MBNL1: variants seen among roughly 807,000 people sequenced by gnomAD.
The protein encoded by MBNL1 is muscleblind like splicing regulator 1.
MBNL1 carries 8 observed loss-of-function variants against 42.2 expected under a neutral mutation model. That is an observed-to-expected ratio of 0.19 (90% CI 0.11 to 0.34). The LOEUF is 0.34. Ranked by LOEUF, MBNL1 falls within the 10% of genes least tolerant of loss-of-function variation. MBNL1 has a pLI of 1.00. For synonymous variants in MBNL1, 169 were observed against 173.9 expected, an observed-to-expected ratio of 0.97 and a Z score of 0.22; for missense variants, 309 against 495.3, an observed-to-expected ratio of 0.62 and a Z score of 3.57.
At chr3:152,451,492 TTATC>T (rs1395411246) in intron 6 of MBNL1, among the ~76,000 whole-genome samples, 2 of 152,128 alleles carry the variant, frequency 1.3e-5, no homozygotes, top group African/African-American at 4.8e-5. Flanking sequence ...ATCCCCCCAT[TTATC>T]TATCCACCCA....
At chr3:152,443,507 C>CACACACACACACACA in intron 4 of MBNL1, among the ~76,000 whole-genome samples, 1 of 151,852 alleles carries the variant, frequency 6.6e-6, no homozygotes, top group South Asian at 2.1e-4. Context: ...CACACACACA[C>CACACACACACACACA]AACTTTTTAT....
chr3:152,446,613 C>A, intron 5 of MBNL1: 1 of 899,370 alleles, frequency 1.1e-6, no homozygotes, highest in Non-Finnish European at 1.8e-6. Flanking sequence ...GCACTGCTGC[C>A]CCCATGATGC....
chr3:152,325,821 CTTTT>C (rs1276269403), intron 2 of MBNL1, among the ~76,000 whole-genome samples: 1 of 130,264 alleles, frequency 7.7e-6, no homozygotes, highest in Non-Finnish European at 1.6e-5. Flanking sequence ...TGATTTCTGT[CTTTT>C]TTGTTTGTTA....
intron 2 of MBNL1, among the ~76,000 whole-genome samples, chr3:152,336,513 T>G (rs1038172196): frequency 6.6e-6 from 1 of 152,230 alleles, no homozygotes; most frequent in Non-Finnish European, 1.5e-5. Context: ...AAATCTAACC[T>G]TAGGCACTGT....
chr3:152,421,836 A>C (rs538540106), intron 3 of MBNL1, among the ~76,000 whole-genome samples: 1 of 152,344 alleles, frequency 6.6e-6, no homozygotes, highest in African/African-American at 2.4e-5. Flanking sequence ...ACTACGTTTC[A>C]TAAGTGAAAG....
At chr3:152,430,497 A>C (rs1237154175) in intron 3 of MBNL1, among the ~76,000 whole-genome samples, 2 of 152,228 alleles carry the variant, frequency 1.3e-5, no homozygotes, top group African/African-American at 4.8e-5. Context: ...TTAGTCTTCT[A>C]TGCTAAATTT....
intron 2 of MBNL1, among the ~76,000 whole-genome samples, chr3:152,381,777 A>C (rs1281033036): frequency 6.6e-6 from 1 of 151,984 alleles, no homozygotes; most frequent in Non-Finnish European, 1.5e-5. Context: ...TTAGCTTTGT[A>C]ACTTAGAGTG....
chr3:152,393,387 A>T (rs1347144431), intron 2 of MBNL1, among the ~76,000 whole-genome samples: 1 of 152,232 alleles, frequency 6.6e-6, no homozygotes, highest in Admixed American at 6.5e-5. Context: ...TTTAATGGGC[A>T]TGATAATTTT....
chr3:152,337,783 T>C (rs1033650679), intron 2 of MBNL1, among the ~76,000 whole-genome samples: 1 of 152,206 alleles, frequency 6.6e-6, no homozygotes, highest in Non-Finnish European at 1.5e-5. Flanking sequence ...TCTTATCTCA[T>C]TGAATTTCTT....
intron 2 of MBNL1, among the ~76,000 whole-genome samples, chr3:152,321,469 A>G (rs1372275445): frequency 6.6e-6 from 1 of 152,000 alleles, no homozygotes; most frequent in African/African-American, 2.4e-5. Flanking sequence ...CCGAGAGGGT[A>G]AGTCCCTGGT....
chr3:152,461,318 AAGC>A (rs1435976172), intron 9 of MBNL1, among the ~76,000 whole-genome samples: 2 of 152,212 alleles, frequency 1.3e-5, no homozygotes, highest in African/African-American at 4.8e-5. Flanking sequence ...AGTTTTCTCA[AAGC>A]AGTTCTGATA....
At chr3:152,378,199 A>G (rs1038142067) in intron 2 of MBNL1, among the ~76,000 whole-genome samples, 23 of 152,058 alleles carry the variant, frequency 1.5e-4, no homozygotes, top group African/African-American at 5.6e-4. Flanking sequence ...CAAAAAAACA[A>G]TTCACTAGGT....
At chr3:152,445,134 G>A in intron 4 of MBNL1, 148 bp from the exon 5 acceptor site, 2 of 605,988 alleles carry the variant, frequency 3.3e-6, no homozygotes, top group Non-Finnish European at 5.8e-6. Flanking sequence ...ACTAGGAAAT[G>A]CTGAAGTTAC....
chr3:152,325,553 A>T (rs75550450), intron 2 of MBNL1, among the ~76,000 whole-genome samples: 10,668 of 151,734 alleles, frequency 0.07, 482 homozygotes, highest in Middle Eastern at 0.16. Context: ...TCTGTATTTT[A>T]TTTTTTTTAG....
intron 2 of MBNL1, among the ~76,000 whole-genome samples, chr3:152,247,982 T>A (rs1286149607): frequency 3.9e-5 from 6 of 151,926 alleles, no homozygotes; most frequent in Non-Finnish European, 8.8e-5. Context: ...TACAGATATT[T>A]CATCATGAGC....
chr3:152,409,005 A>G (rs2098504793), intron 2 of MBNL1, among the ~76,000 whole-genome samples: 1 of 152,192 alleles, frequency 6.6e-6, no homozygotes. Context: ...CAAGTCCTTT[A>G]CGGAAACAAG....
chr3:152,401,165 C>T (rs1366341975), intron 2 of MBNL1, among the ~76,000 whole-genome samples: 9 of 152,198 alleles, frequency 5.9e-5, no homozygotes, highest in Non-Finnish European at 1.0e-4. Flanking sequence ...CCTTCTGTCT[C>T]TTATTCATTC....
intron 3 of MBNL1, among the ~76,000 whole-genome samples, chr3:152,427,635 A>G (rs1371968392): frequency 5.3e-5 from 8 of 152,138 alleles, no homozygotes; most frequent in Admixed American, 5.2e-4. Flanking sequence ...TATATTCAAA[A>G]TAGTTCAGTG....
At chr3:152,245,592 G>A (rs998270185) in intron 2 of MBNL1, among the ~76,000 whole-genome samples, 2 of 152,124 alleles carry the variant, frequency 1.3e-5, no homozygotes, top group East Asian at 3.8e-4. Context: ...AAAAAAGAAA[G>A]TCCACACTAT....
Sources: allele counts gnomAD v4.1 joint callset (sites outside exome capture counted in the v4.1 genomes callset), GRCh38; gene constraint gnomAD v4.1.1; transcripts MANE v1.5; gene names NCBI Gene and HGNC (gene_info 2026-07-23, HGNC 2026-07-21).